BRAF: variants seen among roughly 807,000 people sequenced by gnomAD.
The protein encoded by BRAF is serine/threonine-protein kinase B-raf.
In BRAF, 16 loss-of-function variants were observed where a neutral mutation model predicts 104.6. The observed-to-expected ratio is 0.15, with a 90% CI of 0.10 to 0.23. BRAF has a LOEUF of 0.23. Among genes scored for constraint, BRAF ranks in the 10% least tolerant of loss-of-function variants. The probability of loss-of-function intolerance (pLI) is 1.00; values close to 1 mark genes in which losing one functional copy is unlikely to be tolerated. For synonymous variants in BRAF, 310 were observed against 341.6 expected (o/e 0.91, Z 1.02); for missense variants, 541 against 937.3 (o/e 0.58, Z 5.52).
intron 7 of BRAF, among the ~76,000 whole-genome samples, chr7:140,796,130 C>T (rs930655905): frequency 6.6e-6 from 1 of 152,054 alleles, no homozygotes; most frequent in Non-Finnish European, 1.5e-5. Context: ...GCAGGTGGAT[C>T]ACCTGAGGTC....
chr7:140,724,577 C>T lies in BRAF; in HGVS notation c.*1917G>A, dbSNP rs1350324741. The T allele has an allele frequency of 9.6e-6, 10 of 1,040,654 alleles. No homozygotes were observed. The Admixed American group carries it at 1.7e-4, about 17-fold the overall frequency. 64.5% of individuals were successfully genotyped at this position (1,040,654 alleles called of 1,614,324 possible). A position where few individuals can be genotyped will look rare whatever the true frequency, so the allele number is the denominator to read the frequency against. Reference sequence around the variant, plus strand: ...GATCTTTTCCATTTTACTAGGACAACCTTTTACAAGACAATGAAAATTTCA... The same window carrying T: ...GATCTTTTCCATTTTACTAGGACAATCTTTTACAAGACAATGAAAATTTCA... On this transcript the variant is annotated 3_prime_UTR_variant, in exon 20 of 20. Coordinates refer to ENST00000644969, the MANE Select transcript of BRAF (RefSeq NM_001374258.1).
At chr7:140,788,271 G>A (rs1217577070) in intron 8 of BRAF, among the ~76,000 whole-genome samples, 1 of 152,014 alleles carries the variant, frequency 6.6e-6, no homozygotes, top group Non-Finnish European at 1.5e-5. Context: ...CTTTTCTTAA[G>A]GAAATAATTC....
chr7:140,779,162 T>C (rs1005485350), intron 12 of BRAF, among the ~76,000 whole-genome samples: 3 of 152,226 alleles, frequency 2.0e-5, no homozygotes, highest in Admixed American at 6.5e-5. Context: ...CAGTGGTGGT[T>C]ACCCTTGGGA....
chr7:140,911,662 A>T (rs1426619197), intron 1 of BRAF, among the ~76,000 whole-genome samples: 1 of 152,210 alleles, frequency 6.6e-6, no homozygotes, highest in African/African-American at 2.4e-5. Context: ...AGACAAGTCA[A>T]ATTTGGAGAG....
At chr7:140,750,028 A>T (rs1361904654) in intron 16 of BRAF, among the ~76,000 whole-genome samples, 1 of 152,228 alleles carries the variant, frequency 6.6e-6, no homozygotes, top group East Asian at 1.9e-4. Flanking sequence ...TGGTATAAAG[A>T]ATCTTCTGGC....
At chr7:140,777,193 C>T in intron 13 of BRAF, 105 bp from the exon 13 acceptor site, 1 of 976,756 alleles carries the variant, frequency 1.0e-6, no homozygotes, top group Admixed American at 2.7e-5. Context: ...TCAGAAAAAG[C>T]TTTTTTTTTT....
chr7:140,908,030 C>T (rs1056819439), intron 1 of BRAF, among the ~76,000 whole-genome samples: 1 of 152,254 alleles, frequency 6.6e-6, no homozygotes, highest in African/African-American at 2.4e-5. Context: ...CAGGCGTGAG[C>T]CACCGTGCCT....
intron 14 of BRAF, among the ~76,000 whole-genome samples, chr7:140,766,816 C>T (rs1390471628): frequency 6.6e-6 from 1 of 151,932 alleles, no homozygotes; most frequent in Non-Finnish European, 1.5e-5. Context: ...TCCTAAAGTG[C>T]TTGGATTACA....
intron 1 of BRAF, among the ~76,000 whole-genome samples, chr7:140,860,620 C>A (rs1434213344): frequency 6.6e-6 from 1 of 152,048 alleles, no homozygotes; most frequent in African/African-American, 2.4e-5. Context: ...TATTGCACTC[C>A]CACCTGGGCA....
intron 8 of BRAF, among the ~76,000 whole-genome samples, chr7:140,791,172 A>G (rs554006350): frequency 9.2e-5 from 14 of 152,234 alleles, no homozygotes; most frequent in Non-Finnish European, 1.9e-4. Context: ...GAATCAAGCT[A>G]TCCTCTTTTG....
chr7:140,893,676 C>A lies in BRAF; in HGVS notation c.138+30890G>T, dbSNP rs188834090. On this transcript the variant is annotated intron_variant, in intron 1 of 19. Transcript: ENST00000644969. Reference sequence around the variant, plus strand: ...GAGGAGAAACGTTAACAACCCCACCCGCCACACCACCAATAAAACAGGGAG... The same window carrying A: ...GAGGAGAAACGTTAACAACCCCACCAGCCACACCACCAATAAAACAGGGAG... 2.0e-5 allele frequency among the ~76,000 whole-genome samples: 3 copies of A among 152,202 alleles called. No homozygotes were observed. In the East Asian group the frequency reaches 5.8e-4, roughly 29 times the overall value.
intron 1 of BRAF, among the ~76,000 whole-genome samples, chr7:140,908,012 T>C (rs1816529120): frequency 6.6e-6 from 1 of 152,244 alleles, no homozygotes; most frequent in Admixed American, 6.5e-5. Flanking sequence ...CCCAAAGTGC[T>C]GGGATTACAG....
intron 14 of BRAF, among the ~76,000 whole-genome samples, chr7:140,756,723 T>C (rs1798234546): frequency 6.6e-6 from 1 of 152,164 alleles, no homozygotes; most frequent in South Asian, 2.1e-4. Flanking sequence ...AGGAGAGCAT[T>C]ACAGTTTTAC....
At chr7:140,816,972 A>T (rs1344921729) in intron 3 of BRAF, among the ~76,000 whole-genome samples, 3 of 152,078 alleles carry the variant, frequency 2.0e-5, no homozygotes, top group Non-Finnish European at 4.4e-5. Context: ...CAATTGGATA[A>T]GAGAAAAAAA....
chr7:140,803,270 G>A (rs1476749936), intron 5 of BRAF, among the ~76,000 whole-genome samples: 1 of 152,106 alleles, frequency 6.6e-6, no homozygotes, highest in African/African-American at 2.4e-5. Flanking sequence ...CACCAAAAGA[G>A]CTTAAAACAG....
In BRAF at chr7:140,761,982, C is replaced by T. The variant is rs10251485; in HGVS notation, c.1815-7749G>A. Among the ~76,000 whole-genome samples the T allele has an allele frequency of 7.0e-3, 1,069 of 152,046 alleles. 5 individuals are homozygous for T. The highest frequency in any genetic ancestry group is 0.012 in the Non-Finnish European group (786 of 67,990). Reference sequence around the variant, plus strand: ...ACTGTCAACATTAGACAGATCAACGCGACAGAAAGTTAATAAGGACACCCA... The same window carrying T: ...ACTGTCAACATTAGACAGATCAACGTGACAGAAAGTTAATAAGGACACCCA... On this transcript the variant is annotated intron_variant, in intron 14 of 19. Coordinates refer to ENST00000644969, the MANE Select transcript of BRAF (RefSeq NM_001374258.1).
downstream of BRAF, among the ~76,000 whole-genome samples, chr7:140,717,264 T>G (rs73489531): frequency 0.1 from 15,598 of 152,046 alleles, 858 homozygotes; most frequent in South Asian, 0.19. Context: ...CAGCAACTGA[T>G]AGGAGAGGAG....
At chr7:140,748,680 C>T (rs1044236514) in intron 17 of BRAF, among the ~76,000 whole-genome samples, 3 of 151,918 alleles carry the variant, frequency 2.0e-5, no homozygotes, top group African/African-American at 7.3e-5. Flanking sequence ...AAAGTCTAAG[C>T]GAGCCTACTG....
chr7:140,806,509 A>G (rs558554172), intron 5 of BRAF, among the ~76,000 whole-genome samples: 14 of 152,240 alleles, frequency 9.2e-5, no homozygotes, highest in African/African-American at 3.4e-4. Context: ...TGCTTTCACA[A>G]TCCTTCTGTG....
Sources: gnomAD v4.1 joint callset for allele counts (sites outside exome capture counted in the v4.1 genomes callset) on GRCh38, gnomAD v4.1.1 for gene constraint, MANE v1.5 for transcripts, NCBI Gene and HGNC (gene_info 2026-07-23, HGNC 2026-07-21) for gene names.